Variants in SH3D19 observed in about 807,000 individuals in gnomAD.
The protein encoded by SH3D19 is SH3 domain-containing protein 19.
A neutral mutation model predicts 112.1 loss-of-function variants in SH3D19; 58 were observed. The ratio of observed to expected loss-of-function variants is 0.52; its 90% confidence interval spans 0.42 to 0.64. The LOEUF (loss-of-function observed/expected upper bound fraction) is 0.64. Among genes scored for constraint, SH3D19 ranks in the 30% least tolerant of loss-of-function variants. The probability of loss-of-function intolerance (pLI) is 0.00; values close to 1 mark genes in which losing one functional copy is unlikely to be tolerated. For missense variants in SH3D19, 1,090 were observed against 1,263.4 expected, an observed-to-expected ratio of 0.86 and a Z score of 2.08; for synonymous variants, 391 against 448.5, an observed-to-expected ratio of 0.87 and a Z score of 1.62.
chr4:151,186,014 T>A (rs1214918580), intron 3 of SH3D19, among the ~76,000 whole-genome samples: 1 of 152,028 alleles, frequency 6.6e-6, no homozygotes, highest in African/African-American at 2.4e-5. Flanking sequence ...CAGTCCAGCC[T>A]GGGCGACAGT....
intron 1 of SH3D19, among the ~76,000 whole-genome samples, chr4:151,308,403 C>T (rs1383831675): frequency 6.6e-6 from 1 of 152,182 alleles, no homozygotes; most frequent in Non-Finnish European, 1.5e-5. Context: ...TTCTGAGAAA[C>T]CTTAAGGTAC....
intron 2 of SH3D19, among the ~76,000 whole-genome samples, chr4:151,197,273 T>C (rs1028720974): frequency 1.3e-5 from 2 of 152,246 alleles, no homozygotes; most frequent in African/African-American, 4.8e-5. Context: ...GGCATTGTGC[T>C]GGGCACCTTA....
At chr4:151,141,830 T>A (rs1753048652) in intron 12 of SH3D19, among the ~76,000 whole-genome samples, 1 of 152,190 alleles carries the variant, frequency 6.6e-6, no homozygotes, top group Admixed American at 6.6e-5. Flanking sequence ...AACACAAACA[T>A]GAAATCTCCA....
At chr4:151,191,210 T>A (rs1762569544) in intron 2 of SH3D19, among the ~76,000 whole-genome samples, 2 of 152,196 alleles carry the variant, frequency 1.3e-5, no homozygotes, top group South Asian at 4.1e-4. Flanking sequence ...AGTAACTAAC[T>A]TGCTTTTGAT....
chr4:151,316,842 C>T (rs765352252), intron 1 of SH3D19, among the ~76,000 whole-genome samples: 2 of 152,198 alleles, frequency 1.3e-5, no homozygotes, highest in South Asian at 2.1e-4. Flanking sequence ...TCTGCCAGAG[C>T]CTTCTCCTTC....
chr4:151,314,645 C>T (rs569612012), intron 1 of SH3D19, among the ~76,000 whole-genome samples: 24 of 152,330 alleles, frequency 1.6e-4, no homozygotes, highest in African/African-American at 5.3e-4. Flanking sequence ...TAGGAACTGC[C>T]TTCAGCTGCC....
chr4:151,156,910 C>T (rs867951689), intron 9 of SH3D19, among the ~76,000 whole-genome samples: 42 of 152,288 alleles, frequency 2.8e-4, no homozygotes, highest in African/African-American at 8.9e-4. Context: ...GCAAACTACT[C>T]ATCTGATAGG....
intron 1 of SH3D19, among the ~76,000 whole-genome samples, chr4:151,274,273 T>C (rs940002108): frequency 2.6e-5 from 4 of 152,366 alleles, no homozygotes; most frequent in African/African-American, 9.6e-5. Context: ...TAAAATCTTT[T>C]AAAATGTATT....
chr4:151,149,590 T>C, intron 9 of SH3D19, 29 bp from the exon 10 acceptor site: 1 of 1,603,444 alleles, frequency 6.2e-7, no homozygotes, highest in Non-Finnish European at 8.5e-7. Context: ...GCTTTTTAGT[T>C]AAGGTTAATC....
chr4:151,210,960 C>T (rs1765873630), intron 2 of SH3D19, among the ~76,000 whole-genome samples: 2 of 152,092 alleles, frequency 1.3e-5, no homozygotes, highest in Non-Finnish European at 2.9e-5. Context: ...AGCCTTGCAA[C>T]CTCCCAGGCT....
chr4:151,258,563 A>G lies in SH3D19; in HGVS notation c.113-32477T>C, dbSNP rs189089557. Among the ~76,000 whole-genome samples the G allele has an allele frequency of 3.4e-3, 517 of 152,270 alleles. 2 individuals carry two copies. The highest frequency in any genetic ancestry group is 0.011 in the African/African-American group (448 of 41,554). ...CACTGAGCGAGCCCTGCTCCTTCCA[A>G]TGCCCACCTCCAACCTTCCCTTTTT... On this transcript the variant is annotated intron_variant, in intron 1 of 19. Transcript: ENST00000604030.
chr4:151,276,798 C>A (rs889194216), intron 1 of SH3D19, among the ~76,000 whole-genome samples: 4 of 152,210 alleles, frequency 2.6e-5, no homozygotes, highest in Admixed American at 2.0e-4. Flanking sequence ...ATACTGGGTT[C>A]ATTTCCTCTT....
intron 3 of SH3D19, among the ~76,000 whole-genome samples, chr4:151,183,181 G>A (rs1761224583): frequency 1.3e-5 from 2 of 151,732 alleles, no homozygotes; most frequent in African/African-American, 4.8e-5. Context: ...TAGTAGAGAT[G>A]GGGTTTCACC....
At chr4:151,173,654 A>G (rs1307034976) in intron 7 of SH3D19, among the ~76,000 whole-genome samples, 1 of 152,230 alleles carries the variant, frequency 6.6e-6, no homozygotes. Context: ...ATACGCTAAA[A>G]TGTTGTGTGT....
intron 11 of SH3D19, chr4:151,144,489 C>T: frequency 1.7e-6 from 1 of 576,528 alleles, no homozygotes. Context: ...TGGAGTTAGG[C>T]CCATAGAACC....
chr4:151,210,645 C>CA (rs1182757762), intron 2 of SH3D19, among the ~76,000 whole-genome samples: 2 of 152,112 alleles, frequency 1.3e-5, no homozygotes, highest in Admixed American at 6.5e-5. Flanking sequence ...TTGTGATCCG[C>CA]CTGCCTCGGC....
intron 1 of SH3D19, among the ~76,000 whole-genome samples, chr4:151,236,855 CA>C (rs1481843190): frequency 4.6e-5 from 7 of 152,140 alleles, no homozygotes; most frequent in Admixed American, 4.6e-4. Flanking sequence ...CAAAATGGAC[CA>C]ATCAGCTGTC....
intron 1 of SH3D19, among the ~76,000 whole-genome samples, chr4:151,252,726 C>T (rs1771513273): frequency 6.6e-6 from 1 of 152,228 alleles, no homozygotes; most frequent in African/African-American, 2.4e-5. Context: ...GATCAAGCAT[C>T]TTAAACTTAT....
At chr4:151,262,888 C>T (rs1772486878) in intron 1 of SH3D19, 1 of 152,184 alleles carries the variant, frequency 6.6e-6, no homozygotes, top group South Asian at 2.1e-4. Context: ...TTTTCTGCTA[C>T]CCTCAGTCTG....
Sources: allele counts gnomAD v4.1 joint callset (sites outside exome capture counted in the v4.1 genomes callset), GRCh38; gene constraint gnomAD v4.1.1; transcripts MANE v1.5; gene names NCBI Gene and HGNC (gene_info 2026-07-23, HGNC 2026-07-21).